The following PRMT8 variants were observed in gnomAD, a reference collection of about 807,000 sequenced individuals.
The protein encoded by PRMT8 is protein arginine methyltransferase 8, also known as protein arginine N-methyltransferase 8.
In PRMT8, 7 loss-of-function variants were observed where a neutral mutation model predicts 47.1. The ratio of observed to expected loss-of-function variants is 0.15; its 90% CI spans 0.08 to 0.28. The LOEUF (loss-of-function observed/expected upper bound fraction) is 0.28, where lower values mean the gene tolerates loss of function less well. Ranked by LOEUF, PRMT8 falls within the 10% of genes least tolerant of loss-of-function variation. The pLI is 1.00. For missense variants in PRMT8, 237 were observed against 505.4 expected (o/e 0.47, Z 5.09); for synonymous variants, 188 against 186.5 (o/e 1.01, Z -0.07).
chr12:3,556,043 G>A (rs1248007919), intron 4 of PRMT8, among the ~76,000 whole-genome samples: 2 of 152,094 alleles, frequency 1.3e-5, no homozygotes, highest in East Asian at 3.9e-4. Flanking sequence ...GGCTGGAGGT[G>A]AAGTACTCAT....
At position 3,552,846 on chromosome 12, in the gene PRMT8, C is replaced by CTTAGCA. The variant is rs560673747; in HGVS notation, c.418-805_418-804insTTAGCA. 2.6e-3 allele frequency: 1,165 copies of CTTAGCA among 455,292 alleles called. 12 individuals are homozygous for CTTAGCA. Among genetic ancestry groups the CTTAGCA allele is most frequent in the African/African-American group, 0.021 (1,065 of 50,146 alleles). 28.2% of individuals were successfully genotyped at this position (455,292 alleles called of 1,614,324 possible). ...CCCCAAGTGTGGAGGTGAGTAGAGCCCAGGGCCTTAGCACAGGCCAGCCTC... is the reference window on the plus strand; with the variant it reads ...CCCCAAGTGTGGAGGTGAGTAGAGCCTTAGCACAGGGCCTTAGCACAGGCCAGCCTC... On this transcript the variant is annotated intron_variant, in intron 3 of 9. Coordinates refer to ENST00000382622, the MANE Select transcript of PRMT8 (RefSeq NM_019854.5). This position sits in a 1 kb window ranked among gnomAD's most constrained non-coding sequence, Gnocchi z 4.5.
At chr12:3,393,187 TA>T (rs1234106431) in intron 1 of PRMT8, among the ~76,000 whole-genome samples, 1 of 152,238 alleles carries the variant, frequency 6.6e-6, no homozygotes, top group African/African-American at 2.4e-5. Flanking sequence ...GATGGTAGTT[TA>T]TTTTGCTGTG....
At chr12:3,446,010 C>T (rs935443800) in intron 1 of PRMT8, among the ~76,000 whole-genome samples, 5 of 152,120 alleles carry the variant, frequency 3.3e-5, no homozygotes, top group African/African-American at 1.2e-4. Context: ...AGGCCTCCTA[C>T]AGCATCCTGG....
At chr12:3,548,236 G>A (rs1361232605) in intron 2 of PRMT8, among the ~76,000 whole-genome samples, 1 of 151,904 alleles carries the variant, frequency 6.6e-6, no homozygotes, top group Non-Finnish European at 1.5e-5. Flanking sequence ...TAAAGACTCT[G>A]GTAAAAAACA....
At chr12:3,390,004 A>G (rs527519270) in intron 1 of PRMT8, among the ~76,000 whole-genome samples, 2 of 152,358 alleles carry the variant, frequency 1.3e-5, no homozygotes, top group African/African-American at 2.4e-5. Context: ...GGCTCAGTTA[A>G]GAGAGCTTGA....
At chr12:3,455,220 G>A (rs910506042) in intron 1 of PRMT8, among the ~76,000 whole-genome samples, 7 of 152,152 alleles carry the variant, frequency 4.6e-5, no homozygotes, top group African/African-American at 1.4e-4. Context: ...CTGTGTAACT[G>A]GTCTGCTCCT....
intron 1 of PRMT8, among the ~76,000 whole-genome samples, chr12:3,473,797 C>A (rs900375097): frequency 6.6e-6 from 1 of 152,172 alleles, no homozygotes; most frequent in Non-Finnish European, 1.5e-5. Context: ...CCCATGAGCC[C>A]CAGCCCCGCC....
At chr12:3,390,235 T>G (rs1473193911) in intron 1 of PRMT8, among the ~76,000 whole-genome samples, 1 of 152,240 alleles carries the variant, frequency 6.6e-6, no homozygotes, top group Non-Finnish European at 1.5e-5. Flanking sequence ...TAAGCCTGAA[T>G]CTTATTCTGC....
At position 3,574,330 on chromosome 12, in the gene PRMT8, G is replaced by A. The variant is rs1035694964; in HGVS notation, c.713-2541G>A. On this transcript the variant is annotated intron_variant, in intron 6 of 9. Coordinates refer to ENST00000382622, the MANE Select transcript of PRMT8 (RefSeq NM_019854.5). ...CATGTACCCCAAAGGTTTCCAAATG[G>A]TTGGAATTGTCTGTATAGATTTGTA... Among the ~76,000 whole-genome samples the A allele has an allele frequency of 3.3e-5, 5 of 152,234 alleles. 1 individual carries two copies. Among genetic ancestry groups the A allele is most frequent in the Non-Finnish European group, 7.3e-5 (5 of 68,034 alleles).
Position 3,412,869 on chromosome 12 carries a change from G to A in PRMT8, c.48+31427G>A, listed in dbSNP as rs190711965. ...ACCTCATGATCCACCCACCTTGGCC[G>A]CCCAAAGTGCTGGGATTACAGGTGT... On this transcript the variant is annotated intron_variant, in intron 1 of 9. Coordinates refer to the PRMT8 transcript ENST00000452611. Among the ~76,000 whole-genome samples, 203 of 152,188 alleles carry A rather than the reference G, an allele frequency of 1.3e-3. 1 individual carries two copies. The highest frequency in any genetic ancestry group is 4.4e-3 in the African/African-American group (182 of 41,516).
chr12:3,395,437 A>G (rs1307888919), intron 1 of PRMT8, among the ~76,000 whole-genome samples: 1 of 150,242 alleles, frequency 6.7e-6, no homozygotes, highest in Non-Finnish European at 1.5e-5. Context: ...GTTTCAAAGA[A>G]CATCTTTATT....
At chr12:3,489,831 ACACGCG>A (rs751748277), upstream of PRMT8, among the ~76,000 whole-genome samples, 15 of 101,348 alleles carry the variant, frequency 1.5e-4, no homozygotes, top group East Asian at 3.0e-4. Flanking sequence ...ACACACACAC[ACACGCG>A]CGCACACACA....
In PRMT8 at chr12:3,534,660, C is replaced by T. The variant is rs377288096; in HGVS notation, c.76-5946C>T. On this transcript the variant is annotated intron_variant, in intron 1 of 9. Coordinates refer to ENST00000382622, the MANE Select transcript of PRMT8 (RefSeq NM_019854.5). The stretch of plus-strand genomic sequence containing the variant: ...CTGCCTGTGCCTACCTCCACTGAAG[C>T]GCTCTCCTCTGTCTAGTTATTGCCT... 1.1e-4 allele frequency among the ~76,000 whole-genome samples: 17 copies of T among 152,328 alleles called. 1 individual carries two copies. In the East Asian group the frequency reaches 1.5e-3, roughly 14 times the overall value.
Position 3,468,134 on chromosome 12 carries a change from T to C in PRMT8, c.49-72472T>C, listed in dbSNP as rs563641178. ...AGAGGGCCTTCGAAAGAACTTAGTA[T>C]AGATGTGGGCTTGTGGCTGGTGAGT... is the stretch of plus-strand genomic sequence containing the variant. On this transcript the variant is annotated intron_variant, in intron 1 of 9. Transcript: ENST00000452611. Among the ~76,000 whole-genome samples the C allele has an allele frequency of 2.0e-4, 30 of 152,294 alleles. No individual in the cohort carries two copies. In the South Asian group the frequency reaches 5.8e-3, roughly 29 times the overall value.
intron 1 of PRMT8, among the ~76,000 whole-genome samples, chr12:3,524,635 G>C (rs1425151369): frequency 2.4e-5 from 2 of 83,834 alleles, no homozygotes; most frequent in African/African-American, 4.6e-5. Context: ...AATGCAGCAA[G>C]ACAATCTAAA....
intron 1 of PRMT8, among the ~76,000 whole-genome samples, chr12:3,424,581 T>G (rs2137063617): frequency 2.0e-5 from 3 of 152,284 alleles, no homozygotes; most frequent in Middle Eastern, 3.4e-3. Flanking sequence ...AGCTAATACT[T>G]TACTTGTATC....
chr12:3,506,689 G>A (rs562275461), intron 1 of PRMT8, among the ~76,000 whole-genome samples: 2 of 152,150 alleles, frequency 1.3e-5, no homozygotes, highest in African/African-American at 4.8e-5. Context: ...GTGAGGGAAT[G>A]GGGGCACGGA....
intron 1 of PRMT8, among the ~76,000 whole-genome samples, chr12:3,415,217 G>A (rs1416670671): frequency 6.6e-6 from 1 of 152,180 alleles, no homozygotes; most frequent in African/African-American, 2.4e-5. Context: ...GATGCATGGG[G>A]CGAGGCATGG....
chr12:3,447,022 C>G (rs2335984), intron 1 of PRMT8, among the ~76,000 whole-genome samples: 78,400 of 151,988 alleles, frequency 0.52, 23,635 homozygotes, highest in East Asian at 0.8. Flanking sequence ...TGCTGAGGAG[C>G]CCTGAGCGGG....
Sources: allele counts gnomAD v4.1 joint callset (sites outside exome capture counted in the v4.1 genomes callset), GRCh38; gene constraint gnomAD v4.1.1; non-coding constraint Gnocchi (gnomAD v3.1); transcripts MANE v1.5; gene names NCBI Gene and HGNC (gene_info 2026-07-23, HGNC 2026-07-21).